CNKSR2: variants seen among roughly 807,000 people sequenced by gnomAD.
CNKSR2 encodes connector enhancer of kinase suppressor of Ras 2.
Under a neutral mutation model 84.4 loss-of-function variants are expected in CNKSR2, and 14 were observed. The observed-to-expected ratio is 0.17, with a 90% CI of 0.11 to 0.26. The LOEUF (loss-of-function observed/expected upper bound fraction) is 0.26, where lower values mean the gene tolerates loss of function less well. CNKSR2 is among the 10% of genes least tolerant of loss of function. The pLI is 1.00. For missense variants in CNKSR2, 485 were observed against 771.2 expected (o/e 0.63, Z 4.40); for synonymous variants, 275 against 277.9 (o/e 0.99, Z 0.10).
chrX:21,591,868 T>G (rs2092422936), intron 15 of CNKSR2: 1 of 111,798 alleles, frequency 8.9e-6, no homozygotes, highest in Admixed American at 9.5e-5. Context: ...CTGCATTTGC[T>G]TTTATTCCTT....
intron 20 of CNKSR2, among the ~76,000 whole-genome samples, chrX:21,646,103 T>G (rs1311663300): frequency 9.0e-6 from 1 of 111,281 alleles, no homozygotes; most frequent in African/African-American, 3.3e-5. Flanking sequence ...ATCCCACTAC[T>G]GTGTCTTGTG....
At chrX:21,528,208 GT>G (rs1244933328) in intron 10 of CNKSR2, among the ~76,000 whole-genome samples, 3 of 110,786 alleles carry the variant, frequency 2.7e-5, no homozygotes, top group Non-Finnish European at 5.7e-5. Context: ...TAAAATGCTA[GT>G]TGCATTTTAA....
intron 3 of CNKSR2, among the ~76,000 whole-genome samples, chrX:21,433,517 A>C (rs772213223): frequency 1.5e-4 from 17 of 110,985 alleles, no homozygotes; most frequent in Non-Finnish European, 3.2e-4. Context: ...ATTTTTGGTA[A>C]GGGGTATGTA....
chrX:21,637,281 T>C (rs1201116669), intron 20 of CNKSR2: 2 of 111,476 alleles, frequency 1.8e-5, no homozygotes, highest in Admixed American at 1.9e-4. Flanking sequence ...CAGGATGGAA[T>C]TGTGATTTGG....
chrX:21,500,674 A>G (rs2091550289), intron 7 of CNKSR2, among the ~76,000 whole-genome samples: 1 of 111,569 alleles, frequency 9.0e-6, no homozygotes, highest in East Asian at 2.8e-4. Context: ...TCTCATTTTA[A>G]TTTCCTAAAA....
intron 20 of CNKSR2, among the ~76,000 whole-genome samples, chrX:21,640,070 TGAG>T (rs1461543276): frequency 9.0e-6 from 1 of 111,619 alleles, no homozygotes; most frequent in Admixed American, 9.6e-5. Flanking sequence ...GGAGCTAAAC[TGAG>T]GAGATGTTTC....
intron 4 of CNKSR2, among the ~76,000 whole-genome samples, chrX:21,449,056 G>A (rs1461276313): frequency 9.0e-6 from 1 of 111,528 alleles, no homozygotes; most frequent in East Asian, 2.8e-4. Flanking sequence ...TGTAATCCCA[G>A]CACTTTGGGA....
intron 9 of CNKSR2, among the ~76,000 whole-genome samples, chrX:21,521,567 C>T (rs1326134641): frequency 9.0e-6 from 1 of 110,539 alleles, no homozygotes; most frequent in African/African-American, 3.3e-5. Context: ...TTTAATTATG[C>T]CCATAAGACT....
chrX:21,409,207 C>T (rs1218137417), intron 1 of CNKSR2, among the ~76,000 whole-genome samples: 1 of 76,117 alleles, frequency 1.3e-5, no homozygotes, highest in East Asian at 4.2e-4. Context: ...AAAAGAAAAC[C>T]TTACATAAAA....
chrX:21,495,822 A>AAAAAAAC (rs1231075186), intron 6 of CNKSR2: 7 of 75,877 alleles, frequency 9.2e-5, no homozygotes, highest in Non-Finnish European at 1.6e-4. Context: ...AAAAAAAAAA[A>AAAAAAAC]CACGAAAAAT....
intron 18 of CNKSR2, 178 bp from the exon 19 acceptor site, chrX:21,606,601 T>G: frequency 2.8e-6 from 1 of 353,619 alleles, no homozygotes; most frequent in Non-Finnish European, 4.9e-6. Flanking sequence ...ACACTTACTT[T>G]CTCCTCAAAA....
At chrX:21,539,585 A>G (rs2091959138) in intron 11 of CNKSR2, among the ~76,000 whole-genome samples, 1 of 110,381 alleles carries the variant, frequency 9.1e-6, no homozygotes, top group South Asian at 3.8e-4. Context: ...GTTTCTCATG[A>G]CCTTACATTG....
chrX:21,434,500 T>C (rs1486594545), intron 3 of CNKSR2, among the ~76,000 whole-genome samples: 1 of 111,832 alleles, frequency 8.9e-6, no homozygotes, highest in African/African-American at 3.2e-5. Context: ...GCAGATTTGC[T>C]TTAATTTGAG....
chrX:21,651,902 T>C (rs1347278544), intron 21 of CNKSR2, among the ~76,000 whole-genome samples: 1 of 112,005 alleles, frequency 8.9e-6, no homozygotes, highest in African/African-American at 3.2e-5. Context: ...ATAGAACACA[T>C]GCAAAAGTAA....
In CNKSR2 at chrX:21,649,739, C is replaced by T. The variant is rs775257311; in HGVS notation, c.2889+712C>T. 4.5e-5 allele frequency among the ~76,000 whole-genome samples: 5 copies of T among 111,006 alleles called. No individual in the cohort carries two copies. The South Asian group carries it at 1.9e-3, about 43-fold the overall frequency. On this transcript the variant is annotated intron_variant, in intron 21 of 21. Transcript: ENST00000379510. ...GAGTGTGGGAGATTGAAGGAGAGGG[C>T]CCACCGCACAAGCCACCTGAGCAGG...
chrX:21,390,055 C>G (rs2090027411), intron 1 of CNKSR2, among the ~76,000 whole-genome samples: 1 of 112,037 alleles, frequency 8.9e-6, no homozygotes, highest in Admixed American at 9.5e-5. Context: ...CAATTAAACT[C>G]TCAGACAGAA....
At chrX:21,512,414 G>A (rs1338505280) in intron 8 of CNKSR2, among the ~76,000 whole-genome samples, 2 of 111,959 alleles carry the variant, frequency 1.8e-5, no homozygotes, top group Non-Finnish European at 3.8e-5. Context: ...TTGAAGAAAA[G>A]TAATCTGAGA....
intron 20 of CNKSR2, 124 bp from the exon 21 acceptor site, chrX:21,648,707 T>A: frequency 1.8e-6 from 1 of 544,313 alleles, no homozygotes. Context: ...TTTCAGATAG[T>A]TTTGATATTT....
At chrX:21,501,645 T>G in intron 8 of CNKSR2, 57 bp downstream of exon 8, 1 of 587,619 alleles carries the variant, frequency 1.7e-6, no homozygotes, top group Non-Finnish European at 2.6e-6. Flanking sequence ...TTGCTAAAGC[T>G]TTAAAAGAAT....
Sources: allele counts gnomAD v4.1 joint callset (sites outside exome capture counted in the v4.1 genomes callset), GRCh38; gene constraint gnomAD v4.1.1; transcripts MANE v1.5; gene names NCBI Gene and HGNC (gene_info 2026-07-23, HGNC 2026-07-21).